The following DDC variants were observed in gnomAD, a reference collection of about 807,000 sequenced individuals.
DDC encodes the protein aromatic-L-amino-acid decarboxylase.
A neutral mutation model predicts 60.0 loss-of-function variants in DDC; 43 were observed. The observed-to-expected ratio is 0.72, with a 90% CI of 0.56 to 0.92. DDC has a LOEUF of 0.92. Ranked by LOEUF, DDC falls within the 40% of genes least tolerant of loss-of-function variation. The probability of loss-of-function intolerance (pLI) is 0.00; values close to 1 mark genes in which losing one functional copy is unlikely to be tolerated. For missense variants in DDC, 573 were observed against 620.2 expected (o/e 0.92, Z 0.81); for synonymous variants, 232 against 234.6 (o/e 0.99, Z 0.10).
At chr7:50,507,491 CAA>C (rs1286102591) in intron 6 of DDC, among the ~76,000 whole-genome samples, 3 of 152,172 alleles carry the variant, frequency 2.0e-5, no homozygotes, top group Admixed American at 2.0e-4. Flanking sequence ...CTCGGTCTCC[CAA>C]AGTGTTGGGA....
intron 3 of DDC, among the ~76,000 whole-genome samples, chr7:50,539,555 G>A (rs1465114967): frequency 3.3e-5 from 5 of 152,146 alleles, no homozygotes; most frequent in Admixed American, 6.5e-5. Context: ...AGGGGCAGTC[G>A]CGGTTCTCAA....
At chr7:50,514,566 A>C (rs1440577031) in intron 6 of DDC, among the ~76,000 whole-genome samples, 1 of 152,224 alleles carries the variant, frequency 6.6e-6, no homozygotes, top group Non-Finnish European at 1.5e-5. Context: ...AGCCCAATGC[A>C]AGAAAATCCA....
chr7:50,476,774 G>A (rs1585151944), intron 10 of DDC, 131 bp from the exon 11 acceptor site: 1 of 807,246 alleles, frequency 1.2e-6, no homozygotes, highest in East Asian at 2.6e-5. Flanking sequence ...CCAAAGGCTG[G>A]GTCTGGGTGT....
chr7:50,564,571 G>A (rs2045394205), intron 1 of DDC, among the ~76,000 whole-genome samples: 2 of 152,200 alleles, frequency 1.3e-5, no homozygotes, highest in South Asian at 2.1e-4. Context: ...CATCGATTAA[G>A]CTTTGATTCT....
chr7:50,555,138 A>G (rs1433870191), intron 1 of DDC, among the ~76,000 whole-genome samples: 2 of 152,150 alleles, frequency 1.3e-5, no homozygotes, highest in African/African-American at 4.8e-5. Flanking sequence ...CCGGGTCAGC[A>G]GGCATGGAGG....
At chr7:50,469,622 T>C (rs1368128925) in intron 12 of DDC, among the ~76,000 whole-genome samples, 2 of 152,192 alleles carry the variant, frequency 1.3e-5, no homozygotes, top group Admixed American at 1.3e-4. Context: ...ACAGATCTTA[T>C]AAATAACCTC....
At chr7:50,554,701 C>G (rs2045123045) in intron 1 of DDC, among the ~76,000 whole-genome samples, 1 of 152,208 alleles carries the variant, frequency 6.6e-6, no homozygotes. Flanking sequence ...TTCCATACAA[C>G]TGCTCTTCTC....
intron 6 of DDC, among the ~76,000 whole-genome samples, chr7:50,518,314 A>G (rs1450987158): frequency 6.6e-6 from 1 of 152,196 alleles, no homozygotes; most frequent in Non-Finnish European, 1.5e-5. Context: ...CATACTACCA[A>G]AAGCAATCTA....
At chr7:50,514,976 G>C (rs2122820) in intron 6 of DDC, among the ~76,000 whole-genome samples, 139,778 of 152,216 alleles carry the variant, frequency 0.92, 64,555 homozygotes, top group Non-Finnish European at 0.98. Flanking sequence ...ATTCTAAAAG[G>C]TTGGAAAACA....
intron 6 of DDC, among the ~76,000 whole-genome samples, chr7:50,509,026 C>A (rs1409606489): frequency 1.3e-5 from 2 of 152,052 alleles, no homozygotes; most frequent in African/African-American, 4.8e-5. Flanking sequence ...CTTTCCAAAT[C>A]CCCTCTAGGA....
intron 2 of DDC, chr7:50,541,499 G>A (rs1373757092): frequency 6.6e-6 from 1 of 152,260 alleles, no homozygotes; most frequent in African/African-American, 2.4e-5. Context: ...ATTAGGGCAT[G>A]AGGGTGGGGT....
chr7:50,494,650 A>G (rs2043085898), intron 9 of DDC, among the ~76,000 whole-genome samples: 1 of 150,620 alleles, frequency 6.6e-6, no homozygotes, highest in Admixed American at 6.6e-5. Flanking sequence ...AAACATGGTT[A>G]CTATTATTTT....
chr7:50,526,540 G>T (rs1486779739), intron 6 of DDC, among the ~76,000 whole-genome samples: 1 of 152,022 alleles, frequency 6.6e-6, no homozygotes, highest in Non-Finnish European at 1.5e-5. Context: ...CCAAGAAGAG[G>T]CAAGAACATA....
intron 6 of DDC, among the ~76,000 whole-genome samples, chr7:50,517,446 A>G (rs1371579022): frequency 6.6e-6 from 1 of 152,230 alleles, no homozygotes; most frequent in African/African-American, 2.4e-5. Flanking sequence ...AAATCCATCT[A>G]CAGCAAACCC....
intron 13 of DDC, among the ~76,000 whole-genome samples, chr7:50,466,227 C>T (rs1193971127): frequency 3.3e-5 from 5 of 152,186 alleles, no homozygotes; most frequent in Admixed American, 2.6e-4. Flanking sequence ...CAGTGGCTCA[C>T]GCCTGTAATC....
rs565433615 is a variant in DDC at position 50,550,528 on chromosome 7, A to C, written c.-28-6415T>G. 1.3e-4 allele frequency among the ~76,000 whole-genome samples: 20 copies of C among 152,314 alleles called. 1 individual carries two copies. The East Asian group carries it at 3.5e-3, about 26-fold the overall frequency. Reference sequence around the variant, plus strand: ...AAAGTTTATTTTGCCAAGGTTGAGGACACACCCGTGACACAGCCTCAGGAA... The same window carrying C: ...AAAGTTTATTTTGCCAAGGTTGAGGCCACACCCGTGACACAGCCTCAGGAA... On this transcript the variant is annotated intron_variant, in intron 1 of 14. Transcript: ENST00000444124.
At chr7:50,511,195 A>G (rs2043567407) in intron 6 of DDC, among the ~76,000 whole-genome samples, 1 of 151,568 alleles carries the variant, frequency 6.6e-6, no homozygotes, top group South Asian at 2.1e-4. Flanking sequence ...TATTAAATAA[A>G]TTACATTTAT....
Position 50,554,389 on chromosome 7 carries a change from G to C in DDC, c.-28-10276C>G, listed in dbSNP as rs555010015. 4.0e-5 allele frequency among the ~76,000 whole-genome samples: 6 copies of C among 151,306 alleles called. No homozygotes were observed. In the South Asian group the frequency reaches 1.1e-3, roughly 27 times the overall value. ...CTTTATACCTGAAACTGCCGTGAAA[G>C]TCTATTAATTTTCTTTAAGTAAAAA... On this transcript the variant is annotated intron_variant, in intron 1 of 14. Transcript: ENST00000444124.
intron 7 of DDC, among the ~76,000 whole-genome samples, chr7:50,501,200 G>A (rs58001711): frequency 2.0e-5 from 3 of 152,156 alleles, no homozygotes; most frequent in Non-Finnish European, 4.4e-5. Flanking sequence ...AGGAACTTGC[G>A]GCAGGCCTGG....
Sources: allele counts gnomAD v4.1 joint callset (sites outside exome capture counted in the v4.1 genomes callset), GRCh38; gene constraint gnomAD v4.1.1; transcripts MANE v1.5; gene names NCBI Gene and HGNC (gene_info 2026-07-23, HGNC 2026-07-21).